Variants in AMOTL1 observed in about 807,000 individuals in gnomAD.
The protein encoded by AMOTL1 is angiomotin like 1.
In AMOTL1, 45 loss-of-function variants were observed where a neutral mutation model predicts 102.9. The ratio of observed to expected loss-of-function variants is 0.44; its 90% CI spans 0.34 to 0.56. AMOTL1 has a LOEUF of 0.56. AMOTL1 is among the 20% of genes least tolerant of loss of function. The probability of loss-of-function intolerance (pLI) is 0.01; values close to 1 mark genes in which losing one functional copy is unlikely to be tolerated. For missense variants in AMOTL1, 1,114 were observed against 1,225.6 expected, an observed-to-expected ratio of 0.91 and a Z score of 1.36; for synonymous variants, 481 against 484.7, an observed-to-expected ratio of 0.99 and a Z score of 0.10.
rs1950889147 is a variant in AMOTL1 at position 94,768,509 on chromosome 11, C to T, written c.-3C>T. 3.7e-6 allele frequency: 6 copies of T among 1,600,116 alleles called. No homozygotes were observed. The highest frequency in any genetic ancestry group is 5.1e-6 in the Non-Finnish European group (6 of 1,173,896). ...GAGGGACTGAACTAGCCATGATCGC[C>T]TCATGTGGAGGGCAAAGTTGCGCCG... On this transcript the variant is annotated 5_prime_UTR_variant, in exon 1 of 13. Transcript: ENST00000433060.
intron 3 of AMOTL1, among the ~76,000 whole-genome samples, chr11:94,813,677 TGTC>T (rs1260344378): frequency 6.6e-6 from 1 of 152,176 alleles, no homozygotes; most frequent in Non-Finnish European, 1.5e-5. Flanking sequence ...TGAATATACA[TGTC>T]GTCCCATGTG....
At chr11:94,855,641 C>G (rs970066864) in intron 8 of AMOTL1, among the ~76,000 whole-genome samples, 1 of 152,338 alleles carries the variant, frequency 6.6e-6, no homozygotes, top group Non-Finnish European at 1.5e-5. Context: ...AGTTAGATTA[C>G]TTCTCCTTGG....
intron 11 of AMOTL1, 69 bp downstream of exon 11, chr11:94,866,237 G>A (rs1952881145): frequency 8.1e-6 from 12 of 1,479,440 alleles, no homozygotes; most frequent in East Asian, 2.3e-5. Flanking sequence ...GCCACTCATG[G>A]GACACGGAAA....
At chr11:94,855,949 A>C (rs1015256027) in intron 8 of AMOTL1, among the ~76,000 whole-genome samples, 12 of 152,150 alleles carry the variant, frequency 7.9e-5, no homozygotes, top group African/African-American at 2.7e-4. Flanking sequence ...TGTGTTCGGG[A>C]GCTGATGGCA....
At chr11:94,783,694 T>A (rs1233437176) in intron 1 of AMOTL1, among the ~76,000 whole-genome samples, 2 of 152,226 alleles carry the variant, frequency 1.3e-5, no homozygotes, top group Non-Finnish European at 2.9e-5. Flanking sequence ...TCCTTGATAC[T>A]GTTATTTCTG....
At chr11:94,769,390 G>A (rs955067728) in intron 1 of AMOTL1, among the ~76,000 whole-genome samples, 2 of 152,076 alleles carry the variant, frequency 1.3e-5, no homozygotes, top group Non-Finnish European at 2.9e-5. Context: ...TGGAGGACGC[G>A]GCGGCAGAGC....
At chr11:94,783,064 G>T (rs927184717) in intron 1 of AMOTL1, among the ~76,000 whole-genome samples, 19 of 152,110 alleles carry the variant, frequency 1.2e-4, no homozygotes, top group Admixed American at 2.0e-4. Context: ...AATTTTTAGA[G>T]TATAAAAGGA....
At chr11:94,806,336 G>C (rs965054293) in intron 3 of AMOTL1, among the ~76,000 whole-genome samples, 3 of 152,238 alleles carry the variant, frequency 2.0e-5, no homozygotes, top group African/African-American at 4.8e-5. Context: ...TGATGGTCCT[G>C]TCTTACTTTG....
chr11:94,866,051 G>C lies in AMOTL1; in HGVS notation c.2371G>C (p.Ala791Pro). The C allele has an allele frequency of 6.2e-7, 1 of 1,613,954 alleles. No homozygotes were observed. The highest frequency in any genetic ancestry group is 8.5e-7 in the Non-Finnish European group (1 of 1,179,882). Residue 791 changes from alanine (A) to proline (P), a missense_variant, in exon 11 of 13, where the codon GCC becomes CCC. Physicochemically the swap from Ala to Pro is conservative, Grantham distance 27. Transcript: ENST00000433060. The part of the protein sequence containing the change: ...GKTDSSSLRP[A>P]RSVPSIAAAT... ...GACAGACTCCTCCAGCCTACGTCCT[G>C]CCCGCTCCGTTCCATCCATAGCAGC...
At chr11:94,719,566 A>ATGTGTG (rs34142147) in intron 1 of AMOTL1, among the ~76,000 whole-genome samples, 2,076 of 148,122 alleles carry the variant, frequency 0.014, 22 homozygotes, top group Non-Finnish European at 0.018. Flanking sequence ...CAGAGCGAAA[A>ATGTGTG]TGTGTGTGTG....
intron 1 of AMOTL1, among the ~76,000 whole-genome samples, chr11:94,715,096 A>G (rs374505759): frequency 2.4e-4 from 36 of 152,214 alleles, no homozygotes; most frequent in African/African-American, 8.4e-4. Context: ...GTCTGTAAAA[A>G]CGCCCTTTGA....
At chr11:94,728,657 A>T (rs531166902) in intron 1 of AMOTL1, among the ~76,000 whole-genome samples, 1 of 152,288 alleles carries the variant, frequency 6.6e-6, no homozygotes, top group Admixed American at 6.5e-5. Flanking sequence ...ACTATGCACA[A>T]CTAAATAGTA....
intron 3 of AMOTL1, among the ~76,000 whole-genome samples, chr11:94,746,230 T>G (rs1950588964): frequency 1.3e-5 from 2 of 152,176 alleles, no homozygotes; most frequent in South Asian, 2.1e-4. Context: ...AAATATGCTT[T>G]CTTTCTTGAG....
upstream of AMOTL1, among the ~76,000 whole-genome samples, chr11:94,764,297 A>G (rs1465768046): frequency 6.6e-6 from 1 of 152,230 alleles, no homozygotes; most frequent in East Asian, 1.9e-4. Flanking sequence ...TCAATGTGCT[A>G]GGAGTCATTT....
chr11:94,873,050 C>A lies in AMOTL1; in HGVS notation c.*2255C>A, dbSNP rs1415034440. ...CCCCTACCATCAGGTCTGGGCCACC[C>A]CAAACTTGGGCTGCCTCCCTTAGAC... On this transcript the variant is annotated 3_prime_UTR_variant, in exon 13 of 13. Coordinates refer to ENST00000433060, the MANE Select transcript of AMOTL1 (RefSeq NM_130847.3). The A allele has an allele frequency of 6.6e-6, 1 of 152,176 alleles. No individual in the cohort carries two copies. Among genetic ancestry groups the A allele is most frequent in the East Asian group, 1.9e-4 (1 of 5,186 alleles). The allele number at this position is 152,176 out of a possible 1,614,324, so 9.4% of individuals were successfully genotyped here.
intron 3 of AMOTL1, among the ~76,000 whole-genome samples, chr11:94,741,889 A>G (rs1278186797): frequency 1.3e-5 from 2 of 152,182 alleles, no homozygotes; most frequent in East Asian, 3.9e-4. Flanking sequence ...GGAACTGTCC[A>G]CAAACAGCGG....
At chr11:94,742,874 G>T (rs1198101536) in intron 3 of AMOTL1, among the ~76,000 whole-genome samples, 1 of 152,126 alleles carries the variant, frequency 6.6e-6, no homozygotes, top group African/African-American at 2.4e-5. Context: ...GGCAGAAAAG[G>T]GCCAGGGAGC....
intron 1 of AMOTL1, among the ~76,000 whole-genome samples, chr11:94,719,511 G>T (rs556251180): frequency 2.4e-4 from 36 of 151,688 alleles, no homozygotes; most frequent in Non-Finnish European, 2.2e-4. Context: ...TATACAAAAA[G>T]AAATTCTAGG....
chr11:94,782,524 T>A (rs1951128404), intron 1 of AMOTL1, among the ~76,000 whole-genome samples: 1 of 152,232 alleles, frequency 6.6e-6, no homozygotes, highest in Admixed American at 6.5e-5. Flanking sequence ...TACATTCATA[T>A]GTAAAAAATA....
Sources: allele counts gnomAD v4.1 joint callset (sites outside exome capture counted in the v4.1 genomes callset), GRCh38; gene constraint gnomAD v4.1.1; transcripts MANE v1.5; gene names NCBI Gene and HGNC (gene_info 2026-07-23, HGNC 2026-07-21).